Variants in DOCK11 observed in about 807,000 individuals in gnomAD.
DOCK11 encodes the protein dedicator of cytokinesis 11.
In DOCK11, 70 loss-of-function variants were observed where a neutral mutation model predicts 169.1. The observed-to-expected ratio is 0.41, with a 90% CI of 0.34 to 0.51. The LOEUF (loss-of-function observed/expected upper bound fraction) is 0.51, where lower values mean the gene tolerates loss of function less well. Among genes scored for constraint, DOCK11 ranks in the 20% least tolerant of loss-of-function variants. The probability of loss-of-function intolerance (pLI) is 0.10; values close to 1 mark genes in which losing one functional copy is unlikely to be tolerated. For missense variants in DOCK11, 1,166 were observed against 1,538.8 expected (o/e 0.76, Z 4.05); for synonymous variants, 529 against 541.3 (o/e 0.98, Z 0.32).
At chrX:118,636,244 C>T (rs968448469) in intron 35 of DOCK11, 102 bp from the exon 36 acceptor site, 5 of 395,242 alleles carry the variant, frequency 1.3e-5, no homozygotes, top group African/African-American at 7.8e-5. Context: ...ACAAGATTCA[C>T]CTTGAGTTGA....
intron 20 of DOCK11, 26 bp downstream of exon 20, chrX:118,593,363 C>G (rs2014063415): frequency 1.7e-6 from 2 of 1,176,373 alleles, no homozygotes; most frequent in Admixed American, 2.4e-5. Context: ...AAATGTCTCT[C>G]TCTACAGTTA....
Position 118,683,212 on chromosome X carries a change from G to T in DOCK11, c.6097G>T (p.Glu2033Ter). ...AAAAGAATTATCTGACATTATCCATGAGCAGGCAAGTATTAGGGTGACTAA... is the reference window on the plus strand; with the variant it reads ...AAAAGAATTATCTGACATTATCCATTAGCAGGCAAGTATTAGGGTGACTAA... ...MVKELSDIIH[E>*]QILQEDTMHS... Residue 2033 changes from glutamate to a stop codon, truncating the protein, a stop_gained, in exon 52 of 53, where the codon GAG (glutamate) becomes TAG (stop). Transcript: ENST00000276202. LOFTEE classifies it high-confidence loss of function. 8.3e-7 allele frequency: 1 copy of T among 1,209,045 alleles called. No individual in the cohort carries two copies. Among genetic ancestry groups the T allele is most frequent in the South Asian group, 1.8e-5 (1 of 56,129 alleles).
In DOCK11 at chrX:118,646,494, G is replaced by A. The variant is rs759777217; in HGVS notation, c.4399-2451G>A. Reference sequence around the variant, plus strand: ...GAAGGATATCATGGAAGCCAAAGAAGGAAAGAGTTCCAACATTGTCATGAC... The same window carrying A: ...GAAGGATATCATGGAAGCCAAAGAAAGAAAGAGTTCCAACATTGTCATGAC... On this transcript the variant is annotated intron_variant, in intron 40 of 52. Transcript: ENST00000276202. 2.7e-5 allele frequency among the ~76,000 whole-genome samples: 3 copies of A among 111,395 alleles called. No individual in the cohort carries two copies. In the Admixed American group the frequency reaches 2.9e-4, roughly 11 times the overall value.
intron 1 of DOCK11, among the ~76,000 whole-genome samples, chrX:118,522,461 G>T (rs1432149335): frequency 8.9e-6 from 1 of 112,257 alleles, no homozygotes; most frequent in African/African-American, 3.2e-5. Flanking sequence ...AGAAGTGTAG[G>T]CATGGCTCAG....
chrX:118,590,140 T>C (rs2013938908), intron 18 of DOCK11, 70 bp from the exon 19 acceptor site: 1 of 945,359 alleles, frequency 1.1e-6, no homozygotes, highest in African/African-American at 1.9e-5. Flanking sequence ...CCTCTAACTA[T>C]ATGTGGTTCC....
intron 6 of DOCK11, among the ~76,000 whole-genome samples, chrX:118,550,513 C>G (rs895414299): frequency 1.2e-4 from 13 of 111,774 alleles, no homozygotes; most frequent in African/African-American, 4.2e-4. Context: ...GTTGACACAT[C>G]ATTTTTTCAT....
Position 118,495,921 on chromosome X carries a change from C to G in DOCK11, c.-51C>G. On this transcript the variant is annotated 5_prime_UTR_variant, in exon 1 of 53. Coordinates refer to ENST00000276202, the MANE Select transcript of DOCK11 (RefSeq NM_144658.4). Reference sequence around the variant, plus strand: ...GCCGCGGGCCGGGGCAGTGAGTCCACCCGCCCGCCGAGGTCCGCCCGCCCG... The same window carrying G: ...GCCGCGGGCCGGGGCAGTGAGTCCAGCCGCCCGCCGAGGTCCGCCCGCCCG... 8 of 898,933 alleles carry G rather than the reference C, an allele frequency of 8.9e-6. No homozygotes were observed. In the South Asian group the frequency reaches 2.3e-4, roughly 25 times the overall value. 74.1% of individuals were successfully genotyped at this position (898,933 alleles called of 1,213,427 possible).
intron 1 of DOCK11, among the ~76,000 whole-genome samples, chrX:118,519,989 T>A (rs964623799): frequency 9.0e-6 from 1 of 111,695 alleles, no homozygotes; most frequent in Non-Finnish European, 1.9e-5. Flanking sequence ...AGTCAATTAT[T>A]GTTTCTGGGA....
intron 31 of DOCK11, among the ~76,000 whole-genome samples, chrX:118,623,135 T>C (rs2015016484): frequency 9.0e-6 from 1 of 111,478 alleles, no homozygotes; most frequent in African/African-American, 3.3e-5. Context: ...GGAGAATCTC[T>C]CGAACCCAGG....
chrX:118,541,311 A>T (rs2011993599), intron 1 of DOCK11, among the ~76,000 whole-genome samples: 1 of 111,686 alleles, frequency 9.0e-6, no homozygotes, highest in Admixed American at 9.5e-5. Context: ...CATGCATGAC[A>T]GCTGTGGGTG....
chrX:118,555,887 T>G (rs1032415194), intron 6 of DOCK11, among the ~76,000 whole-genome samples: 2 of 111,211 alleles, frequency 1.8e-5, no homozygotes, highest in Non-Finnish European at 3.8e-5. Flanking sequence ...GCTCTTGGCC[T>G]ACCTACTCTG....
At chrX:118,520,608 G>A (rs1000676363) in intron 1 of DOCK11, among the ~76,000 whole-genome samples, 3 of 111,426 alleles carry the variant, frequency 2.7e-5, no homozygotes, top group Non-Finnish European at 3.8e-5. Context: ...AGCTGTGGAG[G>A]GTGAGGTTCT....
intron 1 of DOCK11, among the ~76,000 whole-genome samples, chrX:118,512,915 C>G (rs1471738259): frequency 1.8e-5 from 2 of 112,094 alleles, no homozygotes; most frequent in Non-Finnish European, 3.8e-5. Context: ...CTGGCTTCTT[C>G]TTACTGACTA....
intron 1 of DOCK11, among the ~76,000 whole-genome samples, chrX:118,535,731 G>A (rs2011731153): frequency 8.9e-6 from 1 of 111,736 alleles, no homozygotes; most frequent in Non-Finnish European, 1.9e-5. Flanking sequence ...TGTCCTGAAT[G>A]CAGTTTGTAT....
chrX:118,589,656 T>C (rs773637468), intron 18 of DOCK11, among the ~76,000 whole-genome samples: 1 of 112,274 alleles, frequency 8.9e-6, no homozygotes, highest in South Asian at 3.7e-4. Context: ...GCCACTGATA[T>C]TTTAAAATGT....
chrX:118,544,362 C>T (rs1449207580), intron 4 of DOCK11, among the ~76,000 whole-genome samples: 1 of 111,429 alleles, frequency 9.0e-6, no homozygotes, highest in Non-Finnish European at 1.9e-5. Context: ...GACCATGGCT[C>T]AGTCACTTAA....
chrX:118,578,232 C>T (rs769573857), intron 12 of DOCK11, among the ~76,000 whole-genome samples: 1 of 111,755 alleles, frequency 8.9e-6, no homozygotes, highest in African/African-American at 3.2e-5. Context: ...TAGTTCCACT[C>T]GAGAAATGTA....
intron 31 of DOCK11, among the ~76,000 whole-genome samples, chrX:118,622,370 A>G (rs1434378136): frequency 2.7e-5 from 3 of 112,456 alleles, no homozygotes; most frequent in African/African-American, 9.7e-5. Flanking sequence ...GTAGCTGCAT[A>G]GTATTCTATC....
In DOCK11 at chrX:118,661,456, T is replaced by G. The variant is rs368121464; in HGVS notation, c.4970-1230T>G. On this transcript the variant is annotated intron_variant, in intron 44 of 52. Transcript: ENST00000276202. ...TCTGAGAAATCTCTTCAACATGAGG[T>G]CTGATTTTTTTTTTAAACCTTCCTT... Among the ~76,000 whole-genome samples the G allele has an allele frequency of 4.5e-5, 5 of 110,258 alleles. No homozygotes were observed. In the East Asian group the frequency reaches 1.4e-3, roughly 31 times the overall value.
Sources: allele counts gnomAD v4.1 joint callset (sites outside exome capture counted in the v4.1 genomes callset), GRCh38; gene constraint gnomAD v4.1.1; transcripts MANE v1.5; gene names NCBI Gene and HGNC (gene_info 2026-07-23, HGNC 2026-07-21).